Variants in HGSNAT observed in about 807,000 individuals in gnomAD.
HGSNAT encodes the protein heparan-alpha-glucosaminide N-acetyltransferase.
A neutral mutation model predicts 85.2 loss-of-function variants in HGSNAT; 59 were observed. The observed-to-expected ratio is 0.69, with a 90% CI of 0.56 to 0.86. The LOEUF (loss-of-function observed/expected upper bound fraction) is 0.86, where lower values mean the gene tolerates loss of function less well. HGSNAT is among the 40% of genes least tolerant of loss of function. The pLI is 0.00. For missense variants in HGSNAT, 756 were observed against 777.1 expected (o/e 0.97, Z 0.32); for synonymous variants, 321 against 304.5 (o/e 1.05, Z -0.56).
At chr8:43,163,825 T>C (rs550373198) in intron 5 of HGSNAT, among the ~76,000 whole-genome samples, 4 of 152,158 alleles carry the variant, frequency 2.6e-5, no homozygotes, top group Admixed American at 6.5e-5. Context: ...CACCCTTCTT[T>C]AGATGTGTCT....
At chr8:43,162,956 C>T (rs1375650264) in intron 5 of HGSNAT, among the ~76,000 whole-genome samples, 1 of 152,052 alleles carries the variant, frequency 6.6e-6, no homozygotes, top group Non-Finnish European at 1.5e-5. Context: ...GAGGCCAAGG[C>T]AGATGGATCA....
At chr8:43,162,100 C>G (rs1041617484) in intron 5 of HGSNAT, among the ~76,000 whole-genome samples, 1 of 152,172 alleles carries the variant, frequency 6.6e-6, no homozygotes, top group Non-Finnish European at 1.5e-5. Context: ...TAAAATAGAT[C>G]CAGTTTTAAT....
At chr8:43,180,670 C>T (rs372311223) in intron 10 of HGSNAT, 4 of 281,218 alleles carry the variant, frequency 1.4e-5, no homozygotes, top group East Asian at 1.6e-4. Context: ...CAAGCAGAGA[C>T]GCTCCTCACT....
At chr8:43,199,180 C>T (rs1297292714) in intron 17 of HGSNAT, among the ~76,000 whole-genome samples, 2 of 152,226 alleles carry the variant, frequency 1.3e-5, no homozygotes, top group Non-Finnish European at 2.9e-5. Context: ...GGATTATAGT[C>T]GTGAGCCACT....
At chr8:43,149,312 GA>G (rs1442367508) in intron 2 of HGSNAT, among the ~76,000 whole-genome samples, 7 of 151,980 alleles carry the variant, frequency 4.6e-5, no homozygotes, top group Non-Finnish European at 7.4e-5. Flanking sequence ...TTTTACCCTG[GA>G]AACTGGAAAG....
intron 4 of HGSNAT, 125 bp downstream of exon 4, chr8:43,159,169 T>C (rs1283470412): frequency 3.5e-6 from 3 of 855,202 alleles, no homozygotes; most frequent in Admixed American, 3.1e-5. Context: ...TCTTAGGTCA[T>C]TGATGAGCAC....
At chr8:43,140,915 T>TAAAC (rs1431684532) in intron 1 of HGSNAT, among the ~76,000 whole-genome samples, 2 of 152,086 alleles carry the variant, frequency 1.3e-5, no homozygotes, top group Non-Finnish European at 2.9e-5. Flanking sequence ...GCCTTCCGTC[T>TAAAC]AAACAGAGGC....
intron 11 of HGSNAT, among the ~76,000 whole-genome samples, chr8:43,187,028 C>G (rs997778537): frequency 5.3e-5 from 8 of 152,116 alleles, no homozygotes; most frequent in Non-Finnish European, 7.3e-5. Context: ...AATTTCTGTT[C>G]TTTTACATTT....
Position 43,165,963 on chromosome 8 carries a change from A to G in HGSNAT, c.564-3210A>G, listed in dbSNP as rs569648506. ...AAAGAAAAAAAAGAAAAAGAAGAAA[A>G]TGAAACAGCCTTACTGCTGATATGG... On this transcript the variant is annotated intron_variant, in intron 5 of 17. Coordinates refer to ENST00000379644, the MANE Select transcript of HGSNAT (RefSeq NM_152419.3). Among the ~76,000 whole-genome samples the G allele has an allele frequency of 1.1e-4, 17 of 152,290 alleles. No homozygotes were observed. The East Asian group carries it at 2.5e-3, about 22-fold the overall frequency.
intron 2 of HGSNAT, among the ~76,000 whole-genome samples, chr8:43,149,028 ATCGTT>A (rs1167000812): frequency 2.0e-5 from 3 of 151,922 alleles, no homozygotes; most frequent in Admixed American, 2.0e-4. Context: ...AGGCAGGAGA[ATCGTT>A]TAACCCCGGG....
intron 5 of HGSNAT, among the ~76,000 whole-genome samples, chr8:43,164,457 C>A (rs960662610): frequency 3.9e-5 from 6 of 152,158 alleles, no homozygotes; most frequent in African/African-American, 1.4e-4. Context: ...CAGCCTTGAC[C>A]TCCCACACTG....
At chr8:43,161,401 TTTTTGGGGGC>T (rs777777611) in intron 4 of HGSNAT, 27 bp from the exon 5 acceptor site, 8 of 1,548,488 alleles carry the variant, frequency 5.2e-6, no homozygotes, top group Non-Finnish European at 7.1e-6. Context: ...CATGATGACA[TTTTTGGGGGC>T]TAATGTGTTT....
Position 43,161,470 on chromosome 8 carries a change from G to A in HGSNAT, c.526G>A (p.Val176Ile). The A allele has an allele frequency of 1.2e-6, 2 of 1,611,880 alleles. No homozygotes were observed. Among genetic ancestry groups the A allele is most frequent in the Non-Finnish European group, 1.7e-6 (2 of 1,178,888 alleles). Residue 176 changes from valine (V) to isoleucine (I), a missense_variant, in exon 5 of 18, where the codon GTC becomes ATC. By Grantham distance (29) the Val-to-Ile change is conservative. Transcript: ENST00000379644. ...VSIAFLIGLA[V>I]IIVISFLRLL... ...CATTGCATTCCTTATTGGTCTTGCT[G>A]TCATCATTGTGATATCCTTTCTGAG... is the stretch of plus-strand genomic sequence containing the variant.
intron 1 of HGSNAT, among the ~76,000 whole-genome samples, chr8:43,143,107 CAA>C (rs994776270): frequency 4.5e-4 from 68 of 152,156 alleles, no homozygotes; most frequent in African/African-American, 1.6e-3. Flanking sequence ...GACAAATTGA[CAA>C]AGGATTTAAT....
chr8:43,185,277 T>C (rs1804268400), intron 11 of HGSNAT, among the ~76,000 whole-genome samples: 1 of 152,234 alleles, frequency 6.6e-6, no homozygotes, highest in African/African-American at 2.4e-5. Context: ...AAGCATGGAA[T>C]GTTCTTCCAT....
Position 43,169,157 on chromosome 8 carries a change from C to T in HGSNAT, c.564-16C>T. On this transcript the variant is annotated splice_polypyrimidine_tract_variant and intron_variant, in intron 5 of 17. Transcript: ENST00000379644. ...CCAATGAAAATAAATTAATTGAGCC[C>T]TTTATTTATTTTCAGTTTGGATGAC... 6.8e-7 allele frequency: 1 copy of T among 1,478,756 alleles called. No homozygotes were observed. The highest frequency in any genetic ancestry group is 1.4e-5 in the South Asian group (1 of 73,500). 91.6% of individuals were successfully genotyped at this position (1,478,756 alleles called of 1,614,324 possible).
At chr8:43,196,409 T>C (rs1361521411) in intron 14 of HGSNAT, 2 of 1,262,294 alleles carry the variant, frequency 1.6e-6, no homozygotes, top group Admixed American at 4.6e-5. Context: ...GGTTCCACCC[T>C]GTCCCGGTCC....
intron 11 of HGSNAT, among the ~76,000 whole-genome samples, chr8:43,188,643 TCTCAA>T: frequency 6.6e-6 from 1 of 152,218 alleles, no homozygotes; most frequent in Non-Finnish European, 1.5e-5. Flanking sequence ...AGCCTTCTTC[TCTCAA>T]CTCATCAAAG....
intron 11 of HGSNAT, chr8:43,182,470 G>T (rs1804163888): frequency 3.4e-6 from 2 of 587,096 alleles, no homozygotes; most frequent in Non-Finnish European, 6.2e-6. Flanking sequence ...TTGATACAGG[G>T]TCTTGCTGTG....
Sources: gnomAD v4.1 joint callset for allele counts (sites outside exome capture counted in the v4.1 genomes callset) on GRCh38, gnomAD v4.1.1 for gene constraint, MANE v1.5 for transcripts, NCBI Gene and HGNC (gene_info 2026-07-23, HGNC 2026-07-21) for gene names.